The following NEMF variants were observed in gnomAD, a reference collection of about 807,000 sequenced individuals.
NEMF encodes the protein ribosome quality control complex subunit NEMF.
In NEMF, 89 loss-of-function variants were observed where a neutral mutation model predicts 162.2. That is an observed-to-expected ratio of 0.55 (90% CI 0.46 to 0.65). NEMF has a LOEUF of 0.65. NEMF is among the 30% of genes least tolerant of loss of function. The probability of loss-of-function intolerance (pLI) is 0.00; values close to 1 mark genes in which losing one functional copy is unlikely to be tolerated. For missense variants in NEMF, 1,133 were observed against 1,261.9 expected, an observed-to-expected ratio of 0.90 and a Z score of 1.55; for synonymous variants, 421 against 404.5, an observed-to-expected ratio of 1.04 and a Z score of -0.49.
rs567844138 is a variant in NEMF at position 49,845,986 on chromosome 14, G to A, written c.357+154C>T. The A allele has an allele frequency of 8.3e-6, 5 of 601,572 alleles. No homozygotes were observed. In the Admixed American group the frequency reaches 1.7e-4, roughly 20 times the overall value. The allele number at this position is 601,572 out of a possible 1,614,324, so 37.3% of individuals were successfully genotyped here. On this transcript the variant is annotated intron_variant, in intron 4 of 32. Coordinates refer to ENST00000298310, the MANE Select transcript of NEMF (RefSeq NM_004713.6). ...ACAGATAAAATGAAGGTTATTACTG[G>A]AAAATTTTATTTTATTTGTGTGGCA...
rs377005823 is a variant in NEMF, at chr14:49,851,852, T to C, written c.83A>G (p.Asn28Ser). 1.9e-6 allele frequency: 3 copies of C among 1,587,354 alleles called. No individual in the cohort carries two copies. In the African/African-American group the frequency reaches 4.1e-5, roughly 22 times the overall value. ...NASLLGMRVN[N>S]VYDVDNKTYL... The stretch of plus-strand genomic sequence containing the variant: ...TGTCTTATTATCCACATCATAAACA[T>C]TGTTTACTCTCATTCCTAGCAAGCT... The change falls in exon 2 of 33, where the codon AAT becomes AGT. Residue 28 changes from asparagine (N) to serine (S), a missense_variant. Physicochemically the swap from Asn to Ser is conservative, Grantham distance 46. Around this residue, in one of 3 missense-constraint regions of NEMF, gnomAD observed 582 missense variants for 631.5 expected, o/e 0.92. Coordinates refer to ENST00000298310, the MANE Select transcript of NEMF (RefSeq NM_004713.6).
intron 18 of NEMF, among the ~76,000 whole-genome samples, chr14:49,811,357 T>G (rs1224694768): frequency 6.6e-6 from 1 of 152,202 alleles, no homozygotes; most frequent in Non-Finnish European, 1.5e-5. Context: ...GGTAGATTCT[T>G]TAGGTTTTTT....
At chr14:49,847,677 C>T (rs1893571183) in intron 3 of NEMF, among the ~76,000 whole-genome samples, 1 of 151,532 alleles carries the variant, frequency 6.6e-6, no homozygotes. Context: ...AATAGTCCAC[C>T]ACCTTATATC....
chr14:49,816,693 T>C (rs972112896), intron 16 of NEMF, among the ~76,000 whole-genome samples: 2 of 152,248 alleles, frequency 1.3e-5, no homozygotes, highest in African/African-American at 2.4e-5. Context: ...TTTTTAGACA[T>C]AGCACAAACT....
Position 49,838,146 on chromosome 14 carries a change from T to G in NEMF, c.567A>C (p.Pro189=). The change falls in exon 6 of 33, where the codon CCA becomes CCC. Residue 189 remains proline, a synonymous_variant. Transcript: ENST00000298310. The part of the protein sequence containing the change: ...KGELLKRVLN[P]LLPYGPALIE... ...ATTTGCAGGAATACTCACGAAGTAA[T>G]GGGTTAAGCACCCTCTTCAGTAGTT... 1 of 1,610,798 alleles carries G rather than the reference T, an allele frequency of 6.2e-7. No individual in the cohort carries two copies. The highest frequency in any genetic ancestry group is 8.5e-7 in the Non-Finnish European group (1 of 1,177,500).
At chr14:49,823,462 G>A (rs771225010) in intron 16 of NEMF, among the ~76,000 whole-genome samples, 135 of 150,924 alleles carry the variant, frequency 8.9e-4, no homozygotes, top group Non-Finnish European at 1.5e-3. Context: ...GTTGAAAAGA[G>A]AGTTCTTAAA....
chr14:49,831,890 T>C (rs1167784852), intron 10 of NEMF, among the ~76,000 whole-genome samples, 161 bp downstream of exon 10: 1 of 152,256 alleles, frequency 6.6e-6, no homozygotes, highest in Non-Finnish European at 1.5e-5. Context: ...GTGGCAACAA[T>C]TATTTCCAAC....
chr14:49,812,098 C>T (rs557105430), intron 18 of NEMF, among the ~76,000 whole-genome samples: 5 of 151,996 alleles, frequency 3.3e-5, no homozygotes, highest in African/African-American at 4.8e-5. Context: ...AATCTCTGTA[C>T]TTACAGGTTT....
chr14:49,799,034 T>C (rs755677296), intron 25 of NEMF, among the ~76,000 whole-genome samples: 1 of 151,734 alleles, frequency 6.6e-6, no homozygotes. Flanking sequence ...GGCAACATGA[T>C]GAAACCCTGT....
At chr14:49,811,023 G>A (rs578137045) in intron 18 of NEMF, among the ~76,000 whole-genome samples, 1 of 152,154 alleles carries the variant, frequency 6.6e-6, no homozygotes, top group East Asian at 1.9e-4. Context: ...TTTTGAGAGG[G>A]ATTACAGTGA....
Position 49,784,752 on chromosome 14 carries a change from AT to A in NEMF, c.3154-40del, listed in dbSNP as rs755866767. On this transcript the variant is annotated intron_variant, in intron 32 of 32. Transcript: ENST00000298310. ...ATTGCTGAATATCTTCACATCCTGT[AT>A]GGTCAATCATGTTTCTTTTATGACA... The A allele has an allele frequency of 2.4e-5, 37 of 1,527,474 alleles. No individual in the cohort carries two copies. In the East Asian group the frequency reaches 8.3e-4, roughly 34 times the overall value. 94.6% of individuals were successfully genotyped at this position (1,527,474 alleles called of 1,614,324 possible).
chr14:49,840,951 C>T (rs1176447457), intron 4 of NEMF, 85 bp from the exon 5 acceptor site: 3 of 1,197,920 alleles, frequency 2.5e-6, no homozygotes, highest in Non-Finnish European at 3.5e-6. Flanking sequence ...AACCCCAGCA[C>T]TGTGGAAGGC....
At chr14:49,796,822 C>T (rs1024045482) in intron 25 of NEMF, among the ~76,000 whole-genome samples, 1 of 152,168 alleles carries the variant, frequency 6.6e-6, no homozygotes, top group Non-Finnish European at 1.5e-5. Context: ...CTCTTCCTTC[C>T]AACTCAGTCT....
intron 26 of NEMF, among the ~76,000 whole-genome samples, chr14:49,789,847 T>C (rs866230348): frequency 2.6e-5 from 4 of 152,184 alleles, no homozygotes; most frequent in East Asian, 1.9e-4. Flanking sequence ...TAAAACAGTA[T>C]TGGAAAAGCA....
intron 4 of NEMF, among the ~76,000 whole-genome samples, chr14:49,841,754 G>A (rs1020851696): frequency 3.3e-5 from 5 of 152,046 alleles, no homozygotes; most frequent in African/African-American, 4.8e-5. Context: ...ATTTGGTAAT[G>A]TAGCCCAATG....
chr14:49,799,833 T>C (rs1284967681), intron 23 of NEMF, among the ~76,000 whole-genome samples, 155 bp from the exon 24 acceptor site: 1 of 152,204 alleles, frequency 6.6e-6, no homozygotes, highest in Non-Finnish European at 1.5e-5. Context: ...AAATTGCTCC[T>C]CTCTCCACAC....
At chr14:49,833,322 A>C in intron 8 of NEMF, 101 bp downstream of exon 8, 1 of 646,820 alleles carries the variant, frequency 1.5e-6, no homozygotes, top group Non-Finnish European at 2.5e-6. Flanking sequence ...CAATTTTCCA[A>C]ATTAAAATAA....
intron 16 of NEMF, among the ~76,000 whole-genome samples, chr14:49,825,188 A>C (rs1325689433): frequency 6.6e-6 from 1 of 152,256 alleles, no homozygotes; most frequent in Non-Finnish European, 1.5e-5. Flanking sequence ...CTACAATTTA[A>C]ATATTTATAA....
At position 49,840,727 on chromosome 14, in the gene NEMF, G is replaced by C; in HGVS notation, c.497C>G (p.Thr166Ser). 6.2e-7 allele frequency: 1 copy of C among 1,610,748 alleles called. No individual in the cohort carries two copies. The highest frequency in any genetic ancestry group is 8.5e-7 in the Non-Finnish European group (1 of 1,179,132). ...AAACAAAACACTTTACCTTTCCAAA[G>C]TAAGCAAAGGTTCAGCAGCTCTAGC... is the stretch of plus-strand genomic sequence containing the variant. ...DHARAAEPLL[T>S]LERLTEIVAS... The change falls in exon 5 of 33, where the codon ACT becomes AGT. Residue 166 changes from threonine to serine, a missense_variant. By Grantham distance (58) the Thr-to-Ser change is moderately conservative. This residue lies in a region of NEMF where 582 missense variants were observed against 631.5 expected (regional missense o/e 0.92). Transcript: ENST00000298310.
Sources: gnomAD v4.1 joint callset for allele counts (sites outside exome capture counted in the v4.1 genomes callset) on GRCh38, gnomAD v4.1.1 for gene constraint, gnomAD v4.1.1 regional missense constraint, MANE v1.5 for transcripts, NCBI Gene and HGNC (gene_info 2026-07-23, HGNC 2026-07-21) for gene names.